The following MAGI1 variants were observed in gnomAD, a reference collection of about 807,000 sequenced individuals.
The protein encoded by MAGI1 is membrane-associated guanylate kinase, WW and PDZ domain-containing protein 1.
In MAGI1, 58 loss-of-function variants were observed where a neutral mutation model predicts 139.9. That is an observed-to-expected ratio of 0.41 (90% CI 0.34 to 0.52). The LOEUF is 0.52. MAGI1 is among the 20% of genes least tolerant of loss of function. The pLI is 0.12. For synonymous variants in MAGI1, 812 were observed against 737.9 expected (o/e 1.10, Z -1.63); for missense variants, 1,874 against 1,901.6 (o/e 0.99, Z 0.27).
chr3:65,571,461 CCTAG>C (rs2080957642), intron 2 of MAGI1, among the ~76,000 whole-genome samples: 1 of 151,526 alleles, frequency 6.6e-6, no homozygotes, highest in Non-Finnish European at 1.5e-5. Flanking sequence ...AAATTGAATC[CCTAG>C]CTAAAATTTC....
chr3:65,501,836 T>C (rs1024795639), intron 2 of MAGI1, among the ~76,000 whole-genome samples: 1 of 152,210 alleles, frequency 6.6e-6, no homozygotes, highest in South Asian at 2.1e-4. Flanking sequence ...ATGAATTCAC[T>C]GTGGCACATC....
At chr3:65,443,672 T>A (rs1025390496) in intron 7 of MAGI1, among the ~76,000 whole-genome samples, 8 of 151,880 alleles carry the variant, frequency 5.3e-5, no homozygotes, top group Middle Eastern at 3.2e-3. Context: ...AAGAAGGGAC[T>A]AGGTTGTGGG....
chr3:66,007,249 C>T (rs1177910308), intron 1 of MAGI1, among the ~76,000 whole-genome samples: 5 of 152,152 alleles, frequency 3.3e-5, no homozygotes, highest in Non-Finnish European at 7.3e-5. Context: ...CTGGACCTGC[C>T]TCGGTAGAAC....
intron 1 of MAGI1, among the ~76,000 whole-genome samples, chr3:65,854,459 C>A (rs1404417457): frequency 1.3e-5 from 2 of 152,184 alleles, no homozygotes; most frequent in Admixed American, 1.3e-4. Context: ...CTCCATCTCT[C>A]CATGAAAATC....
intron 1 of MAGI1, chr3:65,687,726 G>T (rs1200827602): frequency 1.5e-5 from 8 of 538,242 alleles, no homozygotes; most frequent in Non-Finnish European, 3.0e-5. Context: ...ACAAAGTCGG[G>T]GGAAGCCTGA....
intron 1 of MAGI1, among the ~76,000 whole-genome samples, chr3:65,869,006 G>A (rs906175160): frequency 2.6e-5 from 4 of 151,976 alleles, no homozygotes; most frequent in East Asian, 3.9e-4. Context: ...GGTGGCTCAC[G>A]CTTGTAATCC....
intron 2 of MAGI1, among the ~76,000 whole-genome samples, chr3:65,621,395 T>C (rs2083659237): frequency 6.6e-6 from 1 of 152,208 alleles, no homozygotes; most frequent in Admixed American, 6.5e-5. Context: ...TGGTGTAATC[T>C]AATGGTTTGG....
At chr3:65,482,858 G>A (rs1207385773) in intron 3 of MAGI1, among the ~76,000 whole-genome samples, 2 of 152,188 alleles carry the variant, frequency 1.3e-5, no homozygotes, top group African/African-American at 4.8e-5. Flanking sequence ...TGGTTCCAGG[G>A]ACTCCATCTC....
chr3:65,658,986 C>G (rs1244642041), intron 1 of MAGI1, among the ~76,000 whole-genome samples: 1 of 152,154 alleles, frequency 6.6e-6, no homozygotes, highest in South Asian at 2.1e-4. Context: ...CCTTTTTATG[C>G]ACTTCTTGCC....
chr3:65,825,064 G>A (rs1378018178), intron 1 of MAGI1, among the ~76,000 whole-genome samples: 4 of 152,280 alleles, frequency 2.6e-5, no homozygotes, highest in Non-Finnish European at 1.5e-5. Flanking sequence ...CTTCAAAAGC[G>A]CAGACACAGA....
chr3:65,943,639 TTGTG>T (rs537860233), intron 1 of MAGI1, among the ~76,000 whole-genome samples: 3 of 150,366 alleles, frequency 2.0e-5, no homozygotes, highest in Admixed American at 6.6e-5. Flanking sequence ...GTGTGTGTGA[TTGTG>T]TGTGTGTGTG....
chr3:65,908,233 C>T, intron 1 of MAGI1, among the ~76,000 whole-genome samples: 1 of 152,042 alleles, frequency 6.6e-6, no homozygotes, highest in Non-Finnish European at 1.5e-5. Context: ...TACGAAACAA[C>T]AAAACACCAA....
chr3:65,886,806 A>C (rs1441169604), intron 1 of MAGI1, among the ~76,000 whole-genome samples: 2 of 152,210 alleles, frequency 1.3e-5, no homozygotes, highest in Non-Finnish European at 2.9e-5. Context: ...CTGTGATTTG[A>C]GGTAACTGCT....
intron 5 of MAGI1, among the ~76,000 whole-genome samples, chr3:65,463,917 G>T (rs1214800292): frequency 6.6e-6 from 1 of 152,110 alleles, no homozygotes; most frequent in Non-Finnish European, 1.5e-5. Context: ...TTTGCATAGA[G>T]GTATTTATAC....
intron 1 of MAGI1, among the ~76,000 whole-genome samples, chr3:65,731,772 A>T (rs2034224385): frequency 6.6e-6 from 1 of 152,184 alleles, no homozygotes; most frequent in South Asian, 2.1e-4. Context: ...CCTAAAAGCA[A>T]GCTGTGCTTA....
chr3:65,410,334 T>C (rs1041162446), intron 12 of MAGI1, among the ~76,000 whole-genome samples: 2 of 152,220 alleles, frequency 1.3e-5, no homozygotes, highest in Non-Finnish European at 2.9e-5. Context: ...TAAGTACTAA[T>C]ATCTTCTCAT....
intron 1 of MAGI1, chr3:65,688,165 A>AC: frequency 1.3e-6 from 1 of 767,918 alleles, no homozygotes; most frequent in Non-Finnish European, 2.3e-6. Flanking sequence ...GGTATCACTG[A>AC]CCCCCGTGAG....
intron 1 of MAGI1, among the ~76,000 whole-genome samples, chr3:65,978,621 CTTT>C (rs373662388): frequency 3.1e-5 from 4 of 129,168 alleles, no homozygotes; most frequent in African/African-American, 8.8e-5. Flanking sequence ...CTCAAAATTT[CTTT>C]TTTTTTTTTT....
At chr3:65,787,949 A>C (rs897458508) in intron 1 of MAGI1, among the ~76,000 whole-genome samples, 7 of 152,220 alleles carry the variant, frequency 4.6e-5, no homozygotes, top group African/African-American at 1.7e-4. Context: ...AGCATGAGCC[A>C]ATCAAGAAAA....
Sources: gnomAD v4.1 joint callset for allele counts (sites outside exome capture counted in the v4.1 genomes callset) on GRCh38, gnomAD v4.1.1 for gene constraint, MANE v1.5 for transcripts, NCBI Gene and HGNC (gene_info 2026-07-23, HGNC 2026-07-21) for gene names.